The following SSTR5 variants were observed in gnomAD, a reference collection of about 807,000 sequenced individuals.
The protein encoded by SSTR5 is somatostatin receptor 5.
SSTR5 carries 1 observed loss-of-function variant against 0.3 expected under a neutral mutation model. The observed-to-expected ratio is 2.98, with a 90% CI of 1.06 to 14.15. The LOEUF is 14.15. Ranked by LOEUF, SSTR5 falls within the 30% of genes most tolerant of loss-of-function variation. The pLI is 0.12. For missense variants in SSTR5, 516 were observed against 543.2 expected, an observed-to-expected ratio of 0.95 and a Z score of 0.50; for synonymous variants, 256 against 263.1, an observed-to-expected ratio of 0.97 and a Z score of 0.26.
intron 1 of SSTR5, among the ~76,000 whole-genome samples, 109 bp downstream of exon 1, chr16:1,072,931 G>A (rs542012615): frequency 6.7e-6 from 1 of 149,882 alleles, no homozygotes; most frequent in African/African-American, 2.5e-5. Flanking sequence ...CCGGGGTCCC[G>A]CCGTGCGCCC....
chr16:1,074,189 G>T (rs1960146789), intron 1 of SSTR5, among the ~76,000 whole-genome samples: 1 of 152,232 alleles, frequency 6.6e-6, no homozygotes, highest in Non-Finnish European at 1.5e-5. Flanking sequence ...TGGGAGCACA[G>T]GCCTGGCTCC....
chr16:1,078,746 T>A, intron 1 of SSTR5, 96 bp from the exon 2 acceptor site: 3 of 1,230,154 alleles, frequency 2.4e-6, no homozygotes, highest in African/African-American at 3.0e-5. Context: ...ATCCCGCGCC[T>A]CCTGGCAGGC....
At chr16:1,076,217 TC>T (rs1354495705) in intron 1 of SSTR5, among the ~76,000 whole-genome samples, 2 of 386 alleles carry the variant, frequency 5.2e-3, no homozygotes, top group East Asian at 0.12. Flanking sequence ...CCCCTCCCTC[TC>T]CCCCATACCC....
chr16:1,079,811 T>C lies in SSTR5; in HGVS notation c.943T>C (p.Phe315Leu). ...GFLSDNFRQS[F>L]QKVLCLRKGS... ...CCTCTCTGACAACTTCCGCCAGAGC[T>C]TCCAGAAGGTTCTGTGCCTCCGCAA... Residue 315 changes from phenylalanine to leucine, a missense_variant, in exon 2 of 2, where the codon TTC becomes CTC. Physicochemically the swap from Phe to Leu is conservative, Grantham distance 22 (BLOSUM62 0). Coordinates refer to ENST00000689027, the MANE Select transcript of SSTR5 (RefSeq NM_001172560.3). The C allele has an allele frequency of 6.2e-7, 1 of 1,612,382 alleles. No homozygotes were observed. The highest frequency in any genetic ancestry group is 1.1e-5 in the South Asian group (1 of 91,076).
At chr16:1,077,436 C>A (rs1960235874) in intron 1 of SSTR5, among the ~76,000 whole-genome samples, 2 of 152,212 alleles carry the variant, frequency 1.3e-5, no homozygotes, top group Admixed American at 1.3e-4. Context: ...CATTGATCTT[C>A]TTTTTGAGAC....
At position 1,079,612 on chromosome 16, in the gene SSTR5, C is replaced by A; in HGVS notation, c.744C>A (p.Arg248=). ...GGCGCTCGGAGCGGAAGGTGACGCG[C>A]ATGGTGTTGGTGGTGGTGCTGGTGT... ...VRRRSERKVT[R]MVLVVVLVFA... Residue 248 remains arginine (R), a synonymous_variant, in exon 2 of 2, where the codon CGC becomes CGA. Transcript: ENST00000689027. 6 of 1,611,936 alleles carry A rather than the reference C, an allele frequency of 3.7e-6. No homozygotes were observed. Among genetic ancestry groups the A allele is most frequent in the Non-Finnish European group, 5.1e-6 (6 of 1,179,216 alleles).
chr16:1,076,184 T>TC (rs763422503), intron 1 of SSTR5, among the ~76,000 whole-genome samples: 24 of 260 alleles, frequency 0.092, 1 homozygote, highest in African/African-American at 0.27. Context: ...CCCTACCCTG[T>TC]TTTCTCTCTC....
rs1250771553 is a variant in SSTR5, at chr16:1,080,870, T to G, written c.*907T>G. On this transcript the variant is annotated 3_prime_UTR_variant, in exon 2 of 2. Transcript: ENST00000689027. ...GCAGGAGGACCTGAGGGTCAGGGCTTGGAGAGGACAGGGAACCTGCGGCCG... is the reference window on the plus strand; with the variant it reads ...GCAGGAGGACCTGAGGGTCAGGGCTGGGAGAGGACAGGGAACCTGCGGCCG... The G allele has an allele frequency of 2.7e-6, 1 of 372,824 alleles. No individual in the cohort carries two copies. Among genetic ancestry groups the G allele is most frequent in the Non-Finnish European group, 5.5e-6 (1 of 180,732 alleles). The allele number at this position is 372,824 out of a possible 1,614,324, so 23.1% of individuals were successfully genotyped here.
At position 1,081,228 on chromosome 16, in the gene SSTR5, G is replaced by C. The variant is rs185342236; in HGVS notation, c.*1265G>C. 1.5e-4 allele frequency: 65 copies of C among 431,674 alleles called. No individual in the cohort carries two copies. The highest frequency in any genetic ancestry group is 1.0e-3 in the African/African-American group (51 of 48,884). The allele number at this position is 431,674 out of a possible 1,614,324, so 26.7% of individuals were successfully genotyped here. On this transcript the variant is annotated 3_prime_UTR_variant, in exon 2 of 2. Coordinates refer to ENST00000689027, the MANE Select transcript of SSTR5 (RefSeq NM_001172560.3). ...GAAGGACCAGGGTGCGGCATCACTC[G>C]GCCTCAGGGACCCCTCTGCCCTGCC...
At chr16:1,074,963 G>T (rs1433752562) in intron 1 of SSTR5, among the ~76,000 whole-genome samples, 1 of 152,180 alleles carries the variant, frequency 6.6e-6, no homozygotes, top group African/African-American at 2.4e-5. Flanking sequence ...AGTGGTCAGG[G>T]GCCGGGGTCT....
intron 1 of SSTR5, among the ~76,000 whole-genome samples, chr16:1,074,882 G>A (rs1403031172): frequency 1.3e-5 from 2 of 152,228 alleles, no homozygotes; most frequent in Non-Finnish European, 2.9e-5. Context: ...CAGTTTGCAG[G>A]AGTTGCCTAT....
intron 1 of SSTR5, chr16:1,078,499 G>A: frequency 3.1e-6 from 1 of 326,856 alleles, no homozygotes; most frequent in Non-Finnish European, 5.8e-6. Context: ...AGGCTCTGAG[G>A]GGCTTCAGGG....
rs112128300 is a variant in SSTR5 at position 1,079,533 on chromosome 16, T to C, written c.665T>C (p.Leu222Pro). The C allele has an allele frequency of 6.2e-7, 1 of 1,612,122 alleles. No individual in the cohort carries two copies. Among genetic ancestry groups the C allele is most frequent in the African/African-American group, 1.3e-5 (1 of 75,028 alleles). Reference protein sequence around the residue: ...APLLVICLCYLLIVVKVRAAG... With the variant: ...APLLVICLCYPLIVVKVRAAG... ...CTGCTGGTCATCTGCCTGTGCTACC[T>C]GCTCATCGTGGTGAAGGTGAGGGCG... The change falls in exon 2 of 2, where the codon CTG (leucine) becomes CCG (proline). Residue 222 changes from leucine to proline, a missense_variant. Transcript: ENST00000689027.
At chr16:1,074,692 C>T (rs1466982475) in intron 1 of SSTR5, among the ~76,000 whole-genome samples, 1 of 152,208 alleles carries the variant, frequency 6.6e-6, no homozygotes, top group Non-Finnish European at 1.5e-5. Context: ...GTGCTGTGGG[C>T]AGACTGGGGC....
rs538047996 is a variant in SSTR5, at chr16:1,078,849, C to A, written c.-20C>A. On this transcript the variant is annotated 5_prime_UTR_variant, in exon 2 of 2. Transcript: ENST00000689027. ...TCCCTTCTTCTCTTGCAGAGCCTGACGCACCCCAGGGCTGCCGCCATGGAG... is the reference window on the plus strand; with the variant it reads ...TCCCTTCTTCTCTTGCAGAGCCTGAAGCACCCCAGGGCTGCCGCCATGGAG... 1.8e-5 allele frequency: 29 copies of A among 1,602,336 alleles called. No individual in the cohort carries two copies. The highest frequency in any genetic ancestry group is 2.5e-5 in the Non-Finnish European group (29 of 1,179,080).
At position 1,079,459 on chromosome 16, in the gene SSTR5, G is replaced by A. The variant is rs1322220616; in HGVS notation, c.591G>A (p.Trp197Ter). Reference sequence around the variant, plus strand: ...GCTGGCCGGAGCCCGTGGGGCTGTGGGGCGCCGTCTTCATCATCTACACGG... The same window carrying A: ...GCTGGCCGGAGCCCGTGGGGCTGTGAGGCGCCGTCTTCATCATCTACACGG... ...NASWPEPVGL[W>*]GAVFIIYTAV... The change falls in exon 2 of 2, where the codon TGG becomes TGA. Residue 197 changes from tryptophan to a stop codon, truncating the protein, a stop_gained. Transcript: ENST00000689027. LOFTEE classifies it low-confidence loss of function (END_TRUNC). 1 of 1,608,432 alleles carries A rather than the reference G, an allele frequency of 6.2e-7. No individual in the cohort carries two copies. The highest frequency in any genetic ancestry group is 8.5e-7 in the Non-Finnish European group (1 of 1,177,952).
Position 1,078,963 on chromosome 16 carries a change from C to A in SSTR5, c.95C>A (p.Pro32Gln), listed in dbSNP as rs749691727. The change falls in exon 2 of 2, where the codon CCG becomes CAG. Residue 32 changes from proline (P) to glutamine (Q), a missense_variant. Pro to Gln is a moderately conservative substitution (Grantham distance 76). Coordinates refer to ENST00000689027, the MANE Select transcript of SSTR5 (RefSeq NM_001172560.3). Reference sequence around the variant, plus strand: ...GGTGACAACAGGACGCTGGTGGGGCCGGCGCCCTCGGCAGGGGCCCGGGCG... The same window carrying A: ...GGTGACAACAGGACGCTGGTGGGGCAGGCGCCCTCGGCAGGGGCCCGGGCG... ...GGGDNRTLVG[P>Q]APSAGARAVL... 12 of 1,591,222 alleles carry A rather than the reference C, an allele frequency of 7.5e-6. No individual in the cohort carries two copies. The African/African-American group carries it at 9.4e-5, about 12-fold the overall frequency.
At chr16:1,074,507 G>A (rs12598053) in intron 1 of SSTR5, among the ~76,000 whole-genome samples, 52,338 of 152,122 alleles carry the variant, frequency 0.34, 9,709 homozygotes, top group East Asian at 0.78. Context: ...CTGAGGCCCC[G>A]CCTCTGGTCC....
In SSTR5 at chr16:1,078,396, T is replaced by G. The variant is rs938631536; in HGVS notation, c.-27-446T>G. The G allele has an allele frequency of 6.3e-5, 11 of 174,294 alleles. No individual in the cohort carries two copies. In the East Asian group the frequency reaches 1.5e-3, roughly 24 times the overall value. 10.8% of individuals were successfully genotyped at this position (174,294 alleles called of 1,614,324 possible). On this transcript the variant is annotated intron_variant, in intron 1 of 1. Coordinates refer to ENST00000689027, the MANE Select transcript of SSTR5 (RefSeq NM_001172560.3). ...GGGCCGACCACCGGCCCCATCTCTC[T>G]CCACTGCCACCTCTCCCTGTGTGTC...
Sources: allele counts gnomAD v4.1 joint callset (sites outside exome capture counted in the v4.1 genomes callset), GRCh38; gene constraint gnomAD v4.1.1; transcripts MANE v1.5; gene names NCBI Gene and HGNC (gene_info 2026-07-23, HGNC 2026-07-21).